BICD2: variants seen among roughly 807,000 people sequenced by gnomAD.
BICD2 encodes BICD cargo adaptor 2.
Under a neutral mutation model 72.9 loss-of-function variants are expected in BICD2, and 25 were observed. That is an observed-to-expected ratio of 0.34 (90% CI 0.25 to 0.48). The LOEUF is 0.48. BICD2 is among the 20% of genes least tolerant of loss of function. BICD2 has a pLI of 0.99. For synonymous variants in BICD2, 501 were observed against 516.1 expected, an observed-to-expected ratio of 0.97 and a Z score of 0.40; for missense variants, 894 against 1,175.2, an observed-to-expected ratio of 0.76 and a Z score of 3.50.
intron 1 of BICD2, among the ~76,000 whole-genome samples, chr9:92,754,715 T>C (rs1439898808): frequency 6.6e-6 from 1 of 152,270 alleles, no homozygotes; most frequent in Non-Finnish European, 1.5e-5. Flanking sequence ...CTGTCTTTAC[T>C]GCAATCTCTA....
Position 92,734,591 on chromosome 9 carries a change from C to T in BICD2, c.241-5355G>A, listed in dbSNP as rs572522165. On this transcript the variant is annotated intron_variant, in intron 1 of 6. Transcript: ENST00000356884. ...CCCAGGACAGCTGGAGTTACTCCCT[C>T]CTCCCCCTCCCACAGGCTGTTTGCC... Among the ~76,000 whole-genome samples the T allele has an allele frequency of 6.1e-4, 93 of 151,622 alleles. 4 individuals carry two copies. The South Asian group carries it at 0.012, about 20-fold the overall frequency.
At chr9:92,758,551 C>CAAAAAA (rs35074765) in intron 1 of BICD2, among the ~76,000 whole-genome samples, 1 of 95,712 alleles carries the variant, frequency 1.0e-5, no homozygotes, top group Admixed American at 1.3e-4. Context: ...GACTCCGTCT[C>CAAAAAA]AAAAAAAAAA....
rs773321461 is a variant in BICD2, at chr9:92,715,171, T to C, written c.2551A>G (p.Ser851Gly). The change falls in exon 7 of 7, where the codon AGC (serine) becomes GGC (glycine). Residue 851 changes from serine to glycine, a missense_variant. By Grantham distance (56) the Ser-to-Gly change is moderately conservative. Transcript: ENST00000356884. ...CACAGCCCCTAATCACAGTAAATGC[T>C]GTGCTTCTCGCTGCAGAACACCTGG... ...ANQVFCSEKH[S>G]IYCD 3.8e-6 allele frequency: 6 copies of C among 1,598,296 alleles called. No homozygotes were observed. The highest frequency in any genetic ancestry group is 3.3e-5 in the South Asian group (3 of 89,682).
intron 1 of BICD2, among the ~76,000 whole-genome samples, chr9:92,749,888 C>T (rs1189348223): frequency 6.6e-6 from 1 of 152,176 alleles, no homozygotes; most frequent in Admixed American, 6.5e-5. Context: ...GGCCCTGCCA[C>T]GCAGCTGTCC....
rs984261443 is a variant in BICD2, at chr9:92,714,182, G to C, written c.*972C>G. On this transcript the variant is annotated 3_prime_UTR_variant, in exon 7 of 7. Coordinates refer to ENST00000356884, the MANE Select transcript of BICD2 (RefSeq NM_001003800.2). ...CCCTATGCAAAGCTTTCCCAGCACC[G>C]GGCTGGGCTCTGGATACACCTGTGG... is the stretch of plus-strand genomic sequence containing the variant. 9 of 985,518 alleles carry C rather than the reference G, an allele frequency of 9.1e-6. No homozygotes were observed. Among genetic ancestry groups the C allele is most frequent in the Non-Finnish European group, 1.1e-5 (9 of 830,020 alleles). 61.0% of individuals were successfully genotyped at this position (985,518 alleles called of 1,614,324 possible).
chr9:92,748,646 C>A (rs1854070700), intron 1 of BICD2, among the ~76,000 whole-genome samples: 1 of 152,144 alleles, frequency 6.6e-6, no homozygotes, highest in Non-Finnish European at 1.5e-5. Context: ...ACCATCCCCT[C>A]AGCCAGCTCT....
In BICD2 at chr9:92,713,764, C is replaced by A. The variant is rs1853242310; in HGVS notation, c.*1390G>T. On this transcript the variant is annotated 3_prime_UTR_variant, in exon 7 of 7. Transcript: ENST00000356884. ...GGGATCTGGGCCCAGGATGAACACGCAGGGGACATACATGGGCGTGTCCTG... is the reference window on the plus strand; with the variant it reads ...GGGATCTGGGCCCAGGATGAACACGAAGGGGACATACATGGGCGTGTCCTG... 2 of 1,304,118 alleles carry A rather than the reference C, an allele frequency of 1.5e-6. No homozygotes were observed. Among genetic ancestry groups the A allele is most frequent in the African/African-American group, 3.0e-5 (2 of 66,688 alleles). The allele number at this position is 1,304,118 out of a possible 1,614,324, so 80.8% of individuals were successfully genotyped here.
chr9:92,762,674 T>C (rs1183664712), intron 1 of BICD2, among the ~76,000 whole-genome samples: 2 of 152,210 alleles, frequency 1.3e-5, no homozygotes, highest in Non-Finnish European at 2.9e-5. Context: ...TGTGTCAGAA[T>C]AGCAAAGACC....
At chr9:92,745,294 C>A (rs1445366972) in intron 1 of BICD2, among the ~76,000 whole-genome samples, 3 of 151,974 alleles carry the variant, frequency 2.0e-5, no homozygotes, top group Non-Finnish European at 4.4e-5. Context: ...GGTTCCAGGG[C>A]CAGGAGGGAG....
chr9:92,727,699 C>T (rs72758504), intron 2 of BICD2, among the ~76,000 whole-genome samples: 6,034 of 152,268 alleles, frequency 0.04, 183 homozygotes, highest in South Asian at 0.11. Context: ...AGGCACTGGC[C>T]CCTCTTGCCC....
Position 92,729,023 on chromosome 9 carries a change from C to A in BICD2, c.453+1G>T. The stretch of plus-strand genomic sequence containing the variant: ...GACTAGGCCCCTCCTCACCCCCTCA[C>A]CTCCTTCAGCTCCTGGGCCACAGAG... On this transcript the variant is annotated splice_donor_variant, in intron 2 of 6. Transcript: ENST00000356884. LOFTEE classifies it high-confidence loss of function. 6.2e-7 allele frequency: 1 copy of A among 1,613,666 alleles called. No homozygotes were observed.
rs940304129 is a variant in BICD2 at position 92,719,089 on chromosome 9, C to A, written c.1556G>T (p.Ser519Ile). 59 of 1,612,972 alleles carry A rather than the reference C, an allele frequency of 3.7e-5. No homozygotes were observed. The highest frequency in any genetic ancestry group is 4.7e-5 in the Non-Finnish European group (55 of 1,179,996). ...VSDVAGETQGSLSVAQDELVT... is the reference protein window; with the variant it reads ...VSDVAGETQGILSVAQDELVT... ...CAGCTCATCCTGGGCCACACTCAGG[C>A]TGCCCTGTGTCTCGCCGGCGACGTC... Residue 519 changes from serine (S) to isoleucine (I), a missense_variant, in exon 5 of 7, where the codon AGC becomes ATC. Transcript: ENST00000356884.
rs758641746 is a variant in BICD2 at position 92,719,626 on chromosome 9, A to G, written c.1063-44T>C. 10 of 1,510,646 alleles carry G rather than the reference A, an allele frequency of 6.6e-6. No individual in the cohort carries two copies. The Admixed American group carries it at 2.1e-4, about 31-fold the overall frequency. 93.6% of individuals were successfully genotyped at this position (1,510,646 alleles called of 1,614,324 possible). The stretch of plus-strand genomic sequence containing the variant: ...CAGGACACCATGTCAGTTGCTATGG[A>G]CCCCGAGAGCTTGGAGGACCCCCAA... On this transcript the variant is annotated intron_variant, in intron 4 of 6. Coordinates refer to ENST00000356884, the MANE Select transcript of BICD2 (RefSeq NM_001003800.2).
At chr9:92,716,707 A>G (rs1304714507) in intron 6 of BICD2, among the ~76,000 whole-genome samples, 2 of 152,238 alleles carry the variant, frequency 1.3e-5, no homozygotes, top group African/African-American at 2.4e-5. Context: ...GGAAAGTGAA[A>G]GACAGCGGTA....
At chr9:92,717,207 T>C (rs575858235) in intron 6 of BICD2, among the ~76,000 whole-genome samples, 55 of 152,366 alleles carry the variant, frequency 3.6e-4, no homozygotes, top group Admixed American at 2.5e-3. Context: ...CCTGTAAATG[T>C]TGGATTCAAG....
At chr9:92,718,481 G>C in intron 5 of BICD2, 58 bp downstream of exon 5, 1 of 1,546,276 alleles carries the variant, frequency 6.5e-7, no homozygotes, top group Non-Finnish European at 8.7e-7. Flanking sequence ...GAGGCCAAGG[G>C]GGAAACACCC....
At position 92,722,766 on chromosome 9, in the gene BICD2, C is replaced by T. The variant is rs376208721; in HGVS notation, c.496G>A (p.Asp166Asn). 19 of 1,613,362 alleles carry T rather than the reference C, an allele frequency of 1.2e-5. No homozygotes were observed. The African/African-American group carries it at 2.5e-4, about 22-fold the overall frequency. The change falls in exon 3 of 7, where the codon GAC (aspartate) becomes AAC (asparagine). Residue 166 changes from aspartate (D) to asparagine (N), a missense_variant. Around this residue, in one of 5 missense-constraint regions of BICD2, gnomAD observed 192 missense variants for 243.6 expected, o/e 0.79. Transcript: ENST00000356884. ...VEIQRGRLRD[D>N]IKEYKFREAR... The stretch of plus-strand genomic sequence containing the variant: ...TCCCGGAATTTGTACTCCTTGATGT[C>T]ATCCCGCAGGCGGCCACGCTGGATC...
Position 92,713,280 on chromosome 9 carries a change from T to C in BICD2, c.*1874A>G. ...GCATGCTCAACATTAAAGCTTTTTT[T>C]CCTCCCATTAAAAACCTGGGGAATG... On this transcript the variant is annotated 3_prime_UTR_variant, in exon 7 of 7. Coordinates refer to ENST00000356884, the MANE Select transcript of BICD2 (RefSeq NM_001003800.2). The C allele has an allele frequency of 7.0e-6, 5 of 713,228 alleles. No homozygotes were observed. The highest frequency in any genetic ancestry group is 2.7e-5 in the East Asian group (1 of 36,398). 44.2% of individuals were successfully genotyped at this position (713,228 alleles called of 1,614,324 possible).
intron 1 of BICD2, among the ~76,000 whole-genome samples, chr9:92,751,628 G>A (rs902142136): frequency 3.3e-5 from 5 of 152,188 alleles, no homozygotes; most frequent in South Asian, 2.1e-4. Flanking sequence ...GATGGTGGGA[G>A]CCAGGTGTCT....
Sources: gnomAD v4.1 joint callset for allele counts (sites outside exome capture counted in the v4.1 genomes callset) on GRCh38, gnomAD v4.1.1 for gene constraint, gnomAD v4.1.1 regional missense constraint, MANE v1.5 for transcripts, NCBI Gene and HGNC (gene_info 2026-07-23, HGNC 2026-07-21) for gene names.